Variants in CUX2 observed in about 807,000 individuals in gnomAD.
CUX2 encodes the protein homeobox protein cut-like 2.
In CUX2, 40 loss-of-function variants were observed where a neutral mutation model predicts 144.8. The observed-to-expected ratio is 0.28, with a 90% CI of 0.21 to 0.36. The LOEUF (loss-of-function observed/expected upper bound fraction) is 0.36. Among genes scored for constraint, CUX2 ranks in the 10% least tolerant of loss-of-function variants. CUX2 has a pLI of 1.00. For synonymous variants in CUX2, 827 were observed against 875.6 expected (o/e 0.94, Z 0.98); for missense variants, 1,615 against 1,994.0 (o/e 0.81, Z 3.62).
At chr12:111,112,345 T>C (rs924235941) in intron 1 of CUX2, among the ~76,000 whole-genome samples, 2 of 152,222 alleles carry the variant, frequency 1.3e-5, no homozygotes, top group Non-Finnish European at 2.9e-5. Context: ...TGGGTTTGAC[T>C]GGTGGAAGCA....
At chr12:111,253,194 G>A (rs961777128) in intron 3 of CUX2, among the ~76,000 whole-genome samples, 11 of 152,084 alleles carry the variant, frequency 7.2e-5, no homozygotes, top group Admixed American at 6.6e-4. Context: ...GTTAAAACGC[G>A]TGTCAGATCA....
intron 4 of CUX2, among the ~76,000 whole-genome samples, chr12:111,268,350 G>T (rs113467659): frequency 6.6e-6 from 1 of 152,124 alleles, no homozygotes; most frequent in Non-Finnish European, 1.5e-5. Flanking sequence ...TCAGCCTCCC[G>T]AATGGCTGGG....
intron 3 of CUX2, among the ~76,000 whole-genome samples, chr12:111,245,151 A>AT (rs1041027353): frequency 1.3e-5 from 2 of 152,088 alleles, no homozygotes; most frequent in Admixed American, 6.5e-5. Flanking sequence ...TGTTCTTGGT[A>AT]TTTTTTTCCC....
chr12:111,182,665 G>A (rs2136183070), intron 1 of CUX2, among the ~76,000 whole-genome samples: 1 of 152,358 alleles, frequency 6.6e-6, no homozygotes, highest in African/African-American at 2.4e-5. Context: ...CATCGTTGGG[G>A]ATGGAGAAGG....
intron 3 of CUX2, among the ~76,000 whole-genome samples, chr12:111,262,414 T>C (rs570243386): frequency 6.6e-5 from 10 of 150,496 alleles, no homozygotes; most frequent in South Asian, 4.2e-4. Flanking sequence ...GGTCTCACTC[T>C]ATTGCCCAGG....
In CUX2 at chr12:111,061,053, C is replaced by T. The variant is rs1870745119; in HGVS notation, c.63+26813C>T. Among the ~76,000 whole-genome samples, 1 of 152,118 alleles carries T rather than the reference C, an allele frequency of 6.6e-6. No homozygotes were observed. The highest frequency in any genetic ancestry group is 6.5e-5 in the Admixed American group (1 of 15,276). On this transcript the variant is annotated intron_variant, in intron 1 of 21. Coordinates refer to ENST00000261726, the MANE Select transcript of CUX2 (RefSeq NM_015267.4). This position sits in a 1 kb window ranked among gnomAD's most constrained non-coding sequence, Gnocchi z 4.2. The stretch of plus-strand genomic sequence containing the variant: ...GGACCTCCAGCTGGCCCTGCTGCCC[C>T]CTCCCCCGCTTCCTTGGGGCTGTTC...
At chr12:111,180,838 A>G (rs1249813262) in intron 1 of CUX2, among the ~76,000 whole-genome samples, 1 of 152,228 alleles carries the variant, frequency 6.6e-6, no homozygotes, top group Non-Finnish European at 1.5e-5. Flanking sequence ...TTATTGAGGG[A>G]AGAAATATGG....
At chr12:111,313,243 GTA>G (rs1886996231) in intron 16 of CUX2, among the ~76,000 whole-genome samples, 1 of 100,004 alleles carries the variant, frequency 1.0e-5, no homozygotes, top group East Asian at 4.4e-4. Context: ...TTTTTTTTTT[GTA>G]TTTTTAGTAG....
chr12:111,075,770 GGCCCAGGGTGTCCGAGTGATTT>G (rs1344488715), intron 1 of CUX2, among the ~76,000 whole-genome samples: 9 of 152,168 alleles, frequency 5.9e-5, no homozygotes, highest in African/African-American at 1.4e-4. Flanking sequence ...AGGAATCCAA[GGCCCAGGGTGTCCGAGTGATTT>G]GCCCAGGGTC....
intron 1 of CUX2, among the ~76,000 whole-genome samples, chr12:111,058,254 C>A (rs1870614435): frequency 6.6e-6 from 1 of 152,194 alleles, no homozygotes; most frequent in African/African-American, 2.4e-5. Context: ...GATTTAATTG[C>A]CCTGTAGGGA....
intron 3 of CUX2, among the ~76,000 whole-genome samples, chr12:111,243,008 C>G (rs1234180774): frequency 6.6e-6 from 1 of 152,162 alleles, no homozygotes; most frequent in Non-Finnish European, 1.5e-5. Flanking sequence ...CCAGTTTCAT[C>G]CATGTCCCTG....
intron 4 of CUX2, among the ~76,000 whole-genome samples, chr12:111,291,168 C>G (rs760235569): frequency 6.6e-6 from 1 of 152,018 alleles, no homozygotes; most frequent in Non-Finnish European, 1.5e-5. Context: ...CCCGGCCTGG[C>G]CAACTATTAT....
intron 1 of CUX2, among the ~76,000 whole-genome samples, chr12:111,124,098 A>G (rs1162791113): frequency 6.6e-6 from 1 of 152,160 alleles, no homozygotes; most frequent in Non-Finnish European, 1.5e-5. Context: ...GGTCCCAAAC[A>G]TTTTTATTCC....
chr12:111,312,032 C>A lies in CUX2; in HGVS notation c.1901-68C>A, dbSNP rs1310626580. On this transcript the variant is annotated intron_variant, in intron 15 of 21. Transcript: ENST00000261726. This position sits in a 1 kb window ranked among gnomAD's most constrained non-coding sequence, Gnocchi z 4.3. ...CTGGGAGGAGGAGACAGCCCCCCTA[C>A]CCCACCAGGCTCCGGAGACTGAGCC... 7.1e-7 allele frequency: 1 copy of A among 1,414,242 alleles called. No individual in the cohort carries two copies. The highest frequency in any genetic ancestry group is 9.8e-7 in the Non-Finnish European group (1 of 1,023,398). 87.6% of individuals were successfully genotyped at this position (1,414,242 alleles called of 1,614,324 possible).
At chr12:111,336,176 G>A (rs1888340785) in intron 19 of CUX2, among the ~76,000 whole-genome samples, 1 of 152,214 alleles carries the variant, frequency 6.6e-6, no homozygotes, top group African/African-American at 2.4e-5. Context: ...TTGCCCTCTT[G>A]GGCCACAGTG....
chr12:111,126,672 C>T (rs1875106319), intron 1 of CUX2, among the ~76,000 whole-genome samples: 1 of 152,166 alleles, frequency 6.6e-6, no homozygotes, highest in Non-Finnish European at 1.5e-5. Flanking sequence ...TCTTCTGACT[C>T]AAATGTTCAT....
chr12:111,316,093 G>C (rs1348484264), intron 16 of CUX2, among the ~76,000 whole-genome samples: 1 of 151,150 alleles, frequency 6.6e-6, no homozygotes, highest in African/African-American at 2.4e-5. Flanking sequence ...TAGTAGGCAA[G>C]TATGAGTTTT....
At chr12:111,197,662 C>G (rs1880320912) in intron 1 of CUX2, among the ~76,000 whole-genome samples, 1 of 152,188 alleles carries the variant, frequency 6.6e-6, no homozygotes, top group Non-Finnish European at 1.5e-5. Flanking sequence ...GAGACAGCTT[C>G]CCTGTCCTTA....
intron 1 of CUX2, among the ~76,000 whole-genome samples, chr12:111,080,955 A>G (rs1279049889): frequency 6.6e-6 from 1 of 152,212 alleles, no homozygotes; most frequent in African/African-American, 2.4e-5. Context: ...GATAATAGCT[A>G]TGATAGAGTT....
Sources: allele counts gnomAD v4.1 joint callset (sites outside exome capture counted in the v4.1 genomes callset), GRCh38; gene constraint gnomAD v4.1.1; non-coding constraint Gnocchi (gnomAD v3.1); transcripts MANE v1.5; gene names NCBI Gene and HGNC (gene_info 2026-07-23, HGNC 2026-07-21).